Variants in RBFOX1 observed in about 807,000 individuals in gnomAD.
The protein encoded by RBFOX1 is RNA binding fox-1 homolog 1, also known as RNA binding protein fox-1 homolog 1.
Under a neutral mutation model 57.7 loss-of-function variants are expected in RBFOX1, and 8 were observed. The observed-to-expected ratio is 0.14, with a 90% CI of 0.08 to 0.25. RBFOX1 has a LOEUF of 0.25. Among genes scored for constraint, RBFOX1 ranks in the 10% least tolerant of loss-of-function variants. RBFOX1 has a pLI of 1.00. For missense variants in RBFOX1, 611 were observed against 548.5 expected, an observed-to-expected ratio of 1.11 and a Z score of -1.14; for synonymous variants, 326 against 222.4, an observed-to-expected ratio of 1.47 and a Z score of -4.15.
intron 2 of RBFOX1, among the ~76,000 whole-genome samples, chr16:6,583,849 G>A (rs1410671263): frequency 1.3e-5 from 2 of 152,074 alleles, no homozygotes; most frequent in African/African-American, 4.8e-5. Flanking sequence ...TGAAAAGTAG[G>A]GGAATCTACA....
intron 2 of RBFOX1, among the ~76,000 whole-genome samples, chr16:6,507,897 T>A (rs1194252621): frequency 6.6e-6 from 1 of 152,160 alleles, no homozygotes; most frequent in Non-Finnish European, 1.5e-5. Flanking sequence ...TCTACAGATG[T>A]ATTGTACAAA....
intron 4 of RBFOX1, among the ~76,000 whole-genome samples, chr16:5,872,907 C>T (rs1275318285): frequency 6.6e-6 from 1 of 152,166 alleles, no homozygotes; most frequent in East Asian, 1.9e-4. Context: ...AATCCCAGCA[C>T]TTTGGGAGGC....
chr16:5,299,938 C>G (rs1323462690), intron 1 of RBFOX1, among the ~76,000 whole-genome samples: 1 of 151,420 alleles, frequency 6.6e-6, no homozygotes, highest in African/African-American at 2.4e-5. Flanking sequence ...AATAGATGCA[C>G]TTTATCACAT....
intron 3 of RBFOX1, among the ~76,000 whole-genome samples, chr16:5,734,577 C>T (rs1405882932): frequency 1.8e-4 from 28 of 152,188 alleles, no homozygotes. Context: ...ATGTTTGATC[C>T]TCCAATGAAT....
rs571539789 is a variant in RBFOX1, at chr16:7,231,189, C to T, written c.27+179091C>T. Among the ~76,000 whole-genome samples the T allele has an allele frequency of 4.6e-5, 7 of 152,318 alleles. No individual in the cohort carries two copies. In the South Asian group the frequency reaches 1.0e-3, roughly 23 times the overall value. On this transcript the variant is annotated intron_variant, in intron 4 of 15. Coordinates refer to ENST00000550418, the MANE Select transcript of RBFOX1 (RefSeq NM_018723.4). ...TAGCTTAAAACTCCCATTCTGCCAA[C>T]AGAACAACCGAAAGAGCTAGAATAC...
intron 1 of RBFOX1, among the ~76,000 whole-genome samples, chr16:6,081,692 A>C (rs1054291179): frequency 6.6e-6 from 1 of 152,196 alleles, no homozygotes; most frequent in Non-Finnish European, 1.5e-5. Flanking sequence ...ACTGACTTTT[A>C]AATGAAAGTT....
Position 6,048,787 on chromosome 16 carries a change from T to G in RBFOX1, c.-127+28795T>G, listed in dbSNP as rs569580897. On this transcript the variant is annotated intron_variant, in intron 1 of 15. Transcript: ENST00000550418. ...AGGTATGGTTTTCGTTCATTCCTAC[T>G]GATAATTAATTCATGTACTTTAAAG... Among the ~76,000 whole-genome samples the G allele has an allele frequency of 1.2e-4, 18 of 152,336 alleles. No homozygotes were observed. In the South Asian group the frequency reaches 3.7e-3, roughly 32 times the overall value.
intron 3 of RBFOX1, among the ~76,000 whole-genome samples, chr16:7,013,172 A>C (rs1467952120): frequency 6.6e-6 from 1 of 152,196 alleles, no homozygotes; most frequent in Non-Finnish European, 1.5e-5. Flanking sequence ...TAATGCTCTG[A>C]TACTCATTGG....
chr16:6,670,231 GT>G (rs560565288), intron 3 of RBFOX1, among the ~76,000 whole-genome samples: 17 of 147,924 alleles, frequency 1.1e-4, no homozygotes, highest in East Asian at 4.0e-4. Flanking sequence ...GCCTGGCTAT[GT>G]TTTTTTTTTT....
chr16:6,124,331 T>G (rs1204432963), intron 1 of RBFOX1, among the ~76,000 whole-genome samples: 1 of 152,122 alleles, frequency 6.6e-6, no homozygotes, highest in Non-Finnish European at 1.5e-5. Context: ...AGCGTGAAAG[T>G]TTTCACTCTG....
chr16:7,229,148 A>C (rs572797262), intron 4 of RBFOX1, among the ~76,000 whole-genome samples: 3 of 152,258 alleles, frequency 2.0e-5, no homozygotes, highest in Admixed American at 6.5e-5. Context: ...TAATTTAAAC[A>C]TAAAAAGGAA....
chr16:7,504,783 A>T (rs1186533560), intron 4 of RBFOX1, among the ~76,000 whole-genome samples: 4 of 18,012 alleles, frequency 2.2e-4, no homozygotes, highest in Admixed American at 7.1e-4. Flanking sequence ...ATATATATAT[A>T]TATTTATATA....
chr16:5,902,120 A>G (rs1047289231), intron 4 of RBFOX1, among the ~76,000 whole-genome samples: 7 of 152,314 alleles, frequency 4.6e-5, no homozygotes, highest in Admixed American at 2.0e-4. Context: ...AATACTGTCA[A>G]TTACCCATTA....
At chr16:6,825,683 C>A (rs1230696826) in intron 3 of RBFOX1, among the ~76,000 whole-genome samples, 1 of 152,070 alleles carries the variant, frequency 6.6e-6, no homozygotes, top group Non-Finnish European at 1.5e-5. Context: ...ATAGGTAACA[C>A]AAGGAAAGAA....
intron 4 of RBFOX1, among the ~76,000 whole-genome samples, chr16:7,058,918 A>G (rs2053371310): frequency 6.6e-6 from 1 of 152,194 alleles, no homozygotes; most frequent in Admixed American, 6.5e-5. Context: ...AGATTGTGAT[A>G]CTGGAATGCA....
intron 4 of RBFOX1, among the ~76,000 whole-genome samples, chr16:7,421,298 CT>C (rs1210528221): frequency 6.6e-6 from 1 of 152,120 alleles, no homozygotes; most frequent in African/African-American, 2.4e-5. Flanking sequence ...TGGACACTTT[CT>C]TGTTTCTGAT....
At position 7,518,166 on chromosome 16, in the gene RBFOX1, C is replaced by T. The variant is rs750798420; in HGVS notation, c.47C>T (p.Ala16Val). Reference sequence around the variant, plus strand: ...TTTCAGGGTAATCAGGAAGCAGCCGCTGCCCCTGACACAATGGCTCAGCCT... The same window carrying T: ...TTTCAGGGTAATCAGGAAGCAGCCGTTGCCCCTGACACAATGGCTCAGCCT... ...EQLRGNQEAAAAPDTMAQPYA... is the reference protein window; with the variant it reads ...EQLRGNQEAAVAPDTMAQPYA... Residue 16 changes from alanine to valine, a missense_variant, in exon 5 of 16, where the codon GCT becomes GTT. Physicochemically the swap from Ala to Val is moderately conservative, Grantham distance 64. Coordinates refer to ENST00000550418, the MANE Select transcript of RBFOX1 (RefSeq NM_018723.4). The T allele has an allele frequency of 1.9e-6, 3 of 1,612,506 alleles. No individual in the cohort carries two copies. In the Admixed American group the frequency reaches 5.0e-5, roughly 27 times the overall value.
At chr16:6,767,218 A>C (rs1039444927) in intron 3 of RBFOX1, among the ~76,000 whole-genome samples, 27 of 151,978 alleles carry the variant, frequency 1.8e-4, no homozygotes, top group African/African-American at 4.3e-4. Flanking sequence ...CATAACTCCA[A>C]TTCCCAGCCA....
chr16:6,789,143 GCC>G (rs59879757), intron 3 of RBFOX1, among the ~76,000 whole-genome samples: 8,262 of 152,074 alleles, frequency 0.054, 452 homozygotes, highest in East Asian at 0.28. Flanking sequence ...ATTACCGCCT[GCC>G]CACTGCTTGT....
Sources: allele counts gnomAD v4.1 joint callset (sites outside exome capture counted in the v4.1 genomes callset), GRCh38; gene constraint gnomAD v4.1.1; transcripts MANE v1.5; gene names NCBI Gene and HGNC (gene_info 2026-07-23, HGNC 2026-07-21).